PSD3: variants seen among roughly 807,000 people sequenced by gnomAD.
PSD3 encodes the protein PH and SEC7 domain-containing protein 3.
Under a neutral mutation model 105.5 loss-of-function variants are expected in PSD3, and 49 were observed. The ratio of observed to expected loss-of-function variants is 0.46; its 90% CI spans 0.37 to 0.59. PSD3 has a LOEUF of 0.59. Ranked by LOEUF, PSD3 falls within the 20% of genes least tolerant of loss-of-function variation. The pLI is 0.00. For synonymous variants in PSD3, 557 were observed against 457.8 expected (o/e 1.22, Z -2.77); for missense variants, 1,561 against 1,263.8 (o/e 1.24, Z -3.57).
chr8:18,795,491 A>G (rs1436168988), intron 8 of PSD3, among the ~76,000 whole-genome samples: 1 of 152,204 alleles, frequency 6.6e-6, no homozygotes, highest in Non-Finnish European at 1.5e-5. Context: ...ATCTTGATTA[A>G]AAACAATGCC....
chr8:18,572,014 C>G (rs1364917222), intron 14 of PSD3, among the ~76,000 whole-genome samples: 3 of 152,184 alleles, frequency 2.0e-5, no homozygotes, highest in African/African-American at 7.2e-5. Flanking sequence ...GAGCAGAGTT[C>G]TGGTATACTT....
chr8:18,975,849 T>A (rs1476591391), intron 1 of PSD3, among the ~76,000 whole-genome samples: 1 of 151,808 alleles, frequency 6.6e-6, no homozygotes, highest in Admixed American at 6.6e-5. Context: ...TGGCCAAGAG[T>A]TTTAAAAATA....
At chr8:18,593,327 A>C (rs1286706824) in intron 12 of PSD3, among the ~76,000 whole-genome samples, 1 of 152,240 alleles carries the variant, frequency 6.6e-6, no homozygotes, top group African/African-American at 2.4e-5. Context: ...ATGAACAGAC[A>C]CTTCTCAAAA....
intron 1 of PSD3, among the ~76,000 whole-genome samples, chr8:19,083,941 T>C (rs1829725824): frequency 6.6e-6 from 1 of 151,640 alleles, no homozygotes; most frequent in Admixed American, 6.5e-5. Context: ...GCCTGACTTT[T>C]CTTTTCCCAT....
intron 11 of PSD3, 105 bp downstream of exon 11, chr8:18,632,508 G>C: frequency 7.9e-7 from 1 of 1,273,014 alleles, no homozygotes; most frequent in Non-Finnish European, 1.1e-6. Context: ...TGTGTCTATA[G>C]ATAAACATAA....
upstream of PSD3, among the ~76,000 whole-genome samples, chr8:19,014,866 G>A (rs1163322333): frequency 6.6e-6 from 1 of 152,164 alleles, no homozygotes; most frequent in Non-Finnish European, 1.5e-5. The surrounding 1 kb of genome is among the most constrained non-coding windows in gnomAD (Gnocchi z 4.9). Flanking sequence ...ATCTATCAAA[G>A]GAAGCCTTGG....
chr8:18,877,231 A>G (rs1391901610), intron 2 of PSD3, among the ~76,000 whole-genome samples: 1 of 152,146 alleles, frequency 6.6e-6, no homozygotes, highest in Non-Finnish European at 1.5e-5. Flanking sequence ...TATGTAGCAA[A>G]TCATTGTCTA....
intron 3 of PSD3, among the ~76,000 whole-genome samples, chr8:18,871,030 T>A: frequency 6.6e-6 from 1 of 152,072 alleles, no homozygotes; most frequent in East Asian, 1.9e-4. Context: ...GCCTGGAAGG[T>A]CAAGGCCGCA....
intron 9 of PSD3, among the ~76,000 whole-genome samples, chr8:18,673,100 ATC>A (rs1440473120): frequency 6.6e-6 from 1 of 151,952 alleles, no homozygotes; most frequent in Non-Finnish European, 1.5e-5. Flanking sequence ...ACCTCTTTCA[ATC>A]TCTTTTTGGT....
intron 1 of PSD3, among the ~76,000 whole-genome samples, chr8:18,993,105 G>C (rs1042846529): frequency 2.0e-5 from 3 of 152,182 alleles, no homozygotes; most frequent in Admixed American, 6.5e-5. Flanking sequence ...ATTAAAATTG[G>C]ATTAAAATCC....
At chr8:18,735,563 T>A (rs1008630003) in intron 9 of PSD3, among the ~76,000 whole-genome samples, 12 of 152,134 alleles carry the variant, frequency 7.9e-5, no homozygotes, top group African/African-American at 2.9e-4. Flanking sequence ...GGAGGGTAGG[T>A]TCTACAAGCA....
At chr8:19,071,531 AT>A (rs1829262484) in intron 1 of PSD3, among the ~76,000 whole-genome samples, 1 of 152,174 alleles carries the variant, frequency 6.6e-6, no homozygotes, top group Non-Finnish European at 1.5e-5. Flanking sequence ...GCTGTTGAGA[AT>A]CCTGAGGGGA....
upstream of PSD3, among the ~76,000 whole-genome samples, chr8:19,018,259 T>C (rs907670786): frequency 2.6e-5 from 4 of 152,192 alleles, no homozygotes; most frequent in Non-Finnish European, 5.9e-5. Flanking sequence ...TTTAATATGT[T>C]TTCAAATTTT....
intron 1 of PSD3, among the ~76,000 whole-genome samples, chr8:19,026,815 G>A (rs988015815): frequency 1.4e-4 from 21 of 151,696 alleles, no homozygotes; most frequent in African/African-American, 5.1e-4. Flanking sequence ...TGAAGCTGCA[G>A]TGAGCCATGA....
chr8:18,752,549 T>C (rs1291933611), intron 9 of PSD3, among the ~76,000 whole-genome samples: 518 of 13,036 alleles, frequency 0.04, 15 homozygotes, highest in African/African-American at 0.1. Flanking sequence ...ATATATATTA[T>C]ATATAATTAT....
chr8:18,751,113 C>G (rs1238652847), intron 9 of PSD3, among the ~76,000 whole-genome samples: 1 of 152,166 alleles, frequency 6.6e-6, no homozygotes, highest in Non-Finnish European at 1.5e-5. Flanking sequence ...TTCGGGGAGG[C>G]TCCGGCCGCA....
intron 11 of PSD3, among the ~76,000 whole-genome samples, chr8:18,615,126 T>C (rs1038195871): frequency 3.9e-5 from 6 of 152,150 alleles, no homozygotes; most frequent in African/African-American, 1.4e-4. Context: ...CTTAACTTCC[T>C]CGTAAAGCAA....
intron 1 of PSD3, among the ~76,000 whole-genome samples, chr8:19,032,869 T>A (rs963286210): frequency 6.6e-6 from 1 of 152,154 alleles, no homozygotes; most frequent in Non-Finnish European, 1.5e-5. Flanking sequence ...TTAAATAACT[T>A]CTGAAAGTAT....
At position 18,528,823 on chromosome 8, in the gene PSD3, G is replaced by T. The variant is rs17126749; in HGVS notation, c.*6920C>A. On this transcript the variant is annotated 3_prime_UTR_variant, in exon 16 of 16. Coordinates refer to ENST00000327040, the MANE Select transcript of PSD3 (RefSeq NM_015310.4). ...CATTTTCAGGAATTGAAGTTAGGGT[G>T]CTTATTTCTATAACACTATTCCTAA... 0.035 allele frequency: 5,321 copies of T among 152,728 alleles called. 231 individuals are homozygous for T. The highest frequency in any genetic ancestry group is 0.17 in the South Asian group (834 of 4,822). 9.5% of individuals were successfully genotyped at this position (152,728 alleles called of 1,614,324 possible). A position where few individuals can be genotyped will look rare whatever the true frequency, so the allele number is the denominator to read the frequency against.
Sources: allele counts gnomAD v4.1 joint callset (sites outside exome capture counted in the v4.1 genomes callset), GRCh38; gene constraint gnomAD v4.1.1; non-coding constraint Gnocchi (gnomAD v3.1); transcripts MANE v1.5; gene names NCBI Gene and HGNC (gene_info 2026-07-23, HGNC 2026-07-21).